UBE3D: variants seen among roughly 807,000 people sequenced by gnomAD.
The protein encoded by UBE3D is E3 ubiquitin-protein ligase E3D.
In UBE3D, 48 loss-of-function variants were observed where a neutral mutation model predicts 49.6. The ratio of observed to expected loss-of-function variants is 0.97; its 90% CI spans 0.77 to 1.23. UBE3D has a LOEUF of 1.23. Ranked by LOEUF, UBE3D falls within the 50% of genes most tolerant of loss-of-function variation. The probability of loss-of-function intolerance (pLI) is 0.00; values close to 1 mark genes in which losing one functional copy is unlikely to be tolerated. For missense variants in UBE3D, 452 were observed against 468.4 expected, an observed-to-expected ratio of 0.96 and a Z score of 0.32; for synonymous variants, 189 against 174.2, an observed-to-expected ratio of 1.08 and a Z score of -0.67.
intron 9 of UBE3D, among the ~76,000 whole-genome samples, chr6:82,933,893 G>GGA (rs1774355744): frequency 2.0e-5 from 3 of 151,748 alleles, no homozygotes; most frequent in African/African-American, 4.8e-5. Context: ...AAAGCCACGT[G>GGA]AGTGCCTAGT....
chr6:82,896,759 T>TGA (rs910340397), intron 9 of UBE3D, among the ~76,000 whole-genome samples: 2 of 152,108 alleles, frequency 1.3e-5, no homozygotes, highest in South Asian at 2.1e-4. Context: ...TTTTTTTTTT[T>TGA]GAGAGAGAGT....
At chr6:83,038,530 T>C (rs942150704) in intron 4 of UBE3D, 45 bp from the exon 5 acceptor site, 6 of 1,503,812 alleles carry the variant, frequency 4.0e-6, no homozygotes, top group Non-Finnish European at 4.6e-6. Context: ...CAGCTTTTCT[T>C]AAAAGGAATA....
At chr6:82,889,440 C>T (rs1366993791), downstream of UBE3D, among the ~76,000 whole-genome samples, 7 of 152,160 alleles carry the variant, frequency 4.6e-5, no homozygotes, top group Non-Finnish European at 7.4e-5. Flanking sequence ...GAATCAAACA[C>T]GCTTTGCTAA....
At chr6:82,996,334 AT>A (rs1381853650) in intron 8 of UBE3D, among the ~76,000 whole-genome samples, 13 of 151,540 alleles carry the variant, frequency 8.6e-5, no homozygotes, top group Non-Finnish European at 1.8e-4. Flanking sequence ...AAATAAATAA[AT>A]AAATAAATAA....
intron 2 of UBE3D, among the ~76,000 whole-genome samples, chr6:83,055,274 T>C (rs1783744618): frequency 6.6e-6 from 1 of 152,194 alleles, no homozygotes; most frequent in Non-Finnish European, 1.5e-5. Flanking sequence ...TCTATAAAAA[T>C]CTAATTAAAG....
intron 9 of UBE3D, among the ~76,000 whole-genome samples, chr6:82,919,229 G>A (rs2127733554): frequency 6.6e-6 from 1 of 152,158 alleles, no homozygotes; most frequent in African/African-American, 2.4e-5. Context: ...TTCTTGGGAT[G>A]TAAGTATTAA....
intron 9 of UBE3D, among the ~76,000 whole-genome samples, chr6:82,943,448 C>G (rs1775167756): frequency 6.6e-6 from 1 of 152,058 alleles, no homozygotes; most frequent in Non-Finnish European, 1.5e-5. Flanking sequence ...CCACGCTGGG[C>G]AACATGGTGA....
chr6:82,918,646 C>T (rs900338930), intron 9 of UBE3D, among the ~76,000 whole-genome samples: 5 of 151,954 alleles, frequency 3.3e-5, no homozygotes, highest in Admixed American at 1.3e-4. Context: ...GCCCAAATGT[C>T]CCATAGAACT....
chr6:83,047,607 G>A (rs754560308), intron 3 of UBE3D, among the ~76,000 whole-genome samples: 1 of 152,030 alleles, frequency 6.6e-6, no homozygotes, highest in South Asian at 2.1e-4. Context: ...CTGCCCTGCT[G>A]GCAAGCTGGC....
chr6:82,967,331 T>C (rs1777017617), intron 8 of UBE3D, among the ~76,000 whole-genome samples: 1 of 152,206 alleles, frequency 6.6e-6, no homozygotes, highest in Non-Finnish European at 1.5e-5. Context: ...TGTGTGTCTA[T>C]GTGTATTTAC....
At chr6:83,059,070 T>A (rs1039012222) in intron 1 of UBE3D, among the ~76,000 whole-genome samples, 4 of 152,104 alleles carry the variant, frequency 2.6e-5, no homozygotes, top group South Asian at 2.1e-4. Flanking sequence ...TTTTATTTTT[T>A]AAAAAACAAC....
chr6:82,882,535 A>G, the UBE3D span, among the ~76,000 whole-genome samples: 1 of 152,176 alleles, frequency 6.6e-6, no homozygotes, highest in Non-Finnish European at 1.5e-5. Context: ...TGGCAAGTGT[A>G]ACTTGCCTGA....
chr6:83,051,473 A>G (rs1326306138), intron 3 of UBE3D, among the ~76,000 whole-genome samples: 1 of 152,220 alleles, frequency 6.6e-6, no homozygotes, highest in Non-Finnish European at 1.5e-5. Context: ...AACAGCCAAT[A>G]ATGAACCAGC....
At chr6:83,053,595 A>G (rs920682202) in intron 3 of UBE3D, among the ~76,000 whole-genome samples, 1 of 152,206 alleles carries the variant, frequency 6.6e-6, no homozygotes, top group African/African-American at 2.4e-5. Context: ...AAACCAACAA[A>G]GAGTCCTTCC....
At chr6:82,998,771 A>G (rs1256803098) in intron 8 of UBE3D, among the ~76,000 whole-genome samples, 1 of 152,200 alleles carries the variant, frequency 6.6e-6, no homozygotes, top group African/African-American at 2.4e-5. Context: ...CAGGCCACAC[A>G]GATTCTACAG....
At chr6:82,888,061 G>C (rs532727536), downstream of UBE3D, among the ~76,000 whole-genome samples, 4 of 152,062 alleles carry the variant, frequency 2.6e-5, no homozygotes, top group East Asian at 7.7e-4. Flanking sequence ...AAAAAAGAGA[G>C]AAGATTCCAC....
intron 8 of UBE3D, among the ~76,000 whole-genome samples, chr6:82,997,678 C>T (rs1779340165): frequency 6.6e-6 from 1 of 152,072 alleles, no homozygotes; most frequent in South Asian, 2.1e-4. Context: ...GAGATGGTGC[C>T]ACTGCATTCC....
chr6:82,913,863 C>T (rs770614794), intron 9 of UBE3D, among the ~76,000 whole-genome samples: 1 of 152,152 alleles, frequency 6.6e-6, no homozygotes, highest in East Asian at 1.9e-4. Flanking sequence ...CACATCTAGC[C>T]TGAGTGAAAG....
At chr6:83,021,063 T>C (rs1781056830) in intron 7 of UBE3D, among the ~76,000 whole-genome samples, 1 of 152,164 alleles carries the variant, frequency 6.6e-6, no homozygotes, top group Non-Finnish European at 1.5e-5. Context: ...CTGGGATGAT[T>C]GCTAGCCACA....
Sources: gnomAD v4.1 joint callset for allele counts (sites outside exome capture counted in the v4.1 genomes callset) on GRCh38, gnomAD v4.1.1 for gene constraint, MANE v1.5 for transcripts, NCBI Gene and HGNC (gene_info 2026-07-23, HGNC 2026-07-21) for gene names.